The following TRAF3 variants were observed in gnomAD, a reference collection of about 807,000 sequenced individuals.
TRAF3 encodes the protein TNF receptor-associated factor 3.
In TRAF3, 13 loss-of-function variants were observed where a neutral mutation model predicts 62.3. The ratio of observed to expected loss-of-function variants is 0.21; its 90% CI spans 0.14 to 0.33. The LOEUF (loss-of-function observed/expected upper bound fraction) is 0.33, where lower values mean the gene tolerates loss of function less well. TRAF3 is among the 10% of genes least tolerant of loss of function. The pLI, the probability that TRAF3 is intolerant of heterozygous loss-of-function variation, is 1.00. For missense variants in TRAF3, 440 were observed against 741.8 expected, an observed-to-expected ratio of 0.59 and a Z score of 4.73; for synonymous variants, 269 against 283.4, an observed-to-expected ratio of 0.95 and a Z score of 0.51.
At chr14:102,881,393 AAC>A (rs1334005497) in intron 6 of TRAF3, among the ~76,000 whole-genome samples, 1 of 115,128 alleles carries the variant, frequency 8.7e-6, no homozygotes. Flanking sequence ...CAACAACAAA[AAC>A]AAAAAAAAAA....
At chr14:102,815,696 T>C (rs1480196802) in intron 1 of TRAF3, among the ~76,000 whole-genome samples, 1 of 152,214 alleles carries the variant, frequency 6.6e-6, no homozygotes, top group Non-Finnish European at 1.5e-5. Flanking sequence ...TGGGTAGTTT[T>C]TAAAGGAAAG....
chr14:102,830,541 C>T (rs922766247), intron 2 of TRAF3, 69 bp downstream of exon 2: 1 of 152,186 alleles, frequency 6.6e-6, no homozygotes, highest in Non-Finnish European at 1.5e-5. Context: ...CCTGTAATAA[C>T]AACAGGCATC....
chr14:102,879,985 G>A (rs1888954995), intron 6 of TRAF3, among the ~76,000 whole-genome samples: 1 of 152,020 alleles, frequency 6.6e-6, no homozygotes, highest in African/African-American at 2.4e-5. Context: ...GTGTGCTGAA[G>A]CATACCTGTA....
At position 102,786,284 on chromosome 14, in the gene TRAF3, C is replaced by T. The variant is rs530992427; in HGVS notation, c.-157+8609C>T. ...TCTGGAGATGGATGGTGGTGATGGTCGCACAACATTATGAATGTATTTAAT... is the reference window on the plus strand; with the variant it reads ...TCTGGAGATGGATGGTGGTGATGGTTGCACAACATTATGAATGTATTTAAT... On this transcript the variant is annotated intron_variant, in intron 1 of 11. Transcript: ENST00000392745. Among the ~76,000 whole-genome samples, 11 of 152,226 alleles carry T rather than the reference C, an allele frequency of 7.2e-5. 1 individual carries two copies. The South Asian group carries it at 1.2e-3, about 17-fold the overall frequency.
chr14:102,864,407 C>T (rs1335483912), intron 2 of TRAF3, among the ~76,000 whole-genome samples: 2 of 152,090 alleles, frequency 1.3e-5, no homozygotes, highest in East Asian at 3.9e-4. Flanking sequence ...CTCGGCCTCC[C>T]AAAGTGCTGG....
chr14:102,905,768 A>G lies in TRAF3; in HGVS notation c.1691A>G (p.Asp564Gly). The G allele has an allele frequency of 6.2e-7, 1 of 1,613,572 alleles. No individual in the cohort carries two copies. The highest frequency in any genetic ancestry group is 8.5e-7 in the Non-Finnish European group (1 of 1,179,844). ...IFIKVIVDTS[D>G]LPDP ...ATTAAAGTCATAGTGGATACTTCGG[A>G]TCTGCCCGATCCCTGATAAGTAGCT... is the stretch of plus-strand genomic sequence containing the variant. Residue 564 changes from aspartate to glycine, a missense_variant, in exon 12 of 12, where the codon GAT (aspartate) becomes GGT (glycine). Coordinates refer to ENST00000392745, the MANE Select transcript of TRAF3 (RefSeq NM_145725.3).
Position 102,911,483 on chromosome 14 carries a change from T to A in TRAF3, c.*5699T>A, listed in dbSNP as rs1890865589. ...AACTGTCTTATTAGAGGAAAATAAA[T>A]CTGATTATGGAGTCTCAGTCTCTGA... is the stretch of plus-strand genomic sequence containing the variant. On this transcript the variant is annotated 3_prime_UTR_variant, in exon 12 of 12. Coordinates refer to ENST00000392745, the MANE Select transcript of TRAF3 (RefSeq NM_145725.3). 1 of 152,252 alleles carries A rather than the reference T, an allele frequency of 6.6e-6. No individual in the cohort carries two copies. The highest frequency in any genetic ancestry group is 2.4e-5 in the African/African-American group (1 of 41,456). 9.4% of individuals were successfully genotyped at this position (152,252 alleles called of 1,614,324 possible). A position where few individuals can be genotyped will look rare whatever the true frequency, so the allele number is the denominator to read the frequency against.
intron 2 of TRAF3, among the ~76,000 whole-genome samples, chr14:102,858,026 G>A (rs1356122518): frequency 3.3e-5 from 5 of 152,126 alleles, no homozygotes; most frequent in Non-Finnish European, 5.9e-5. Flanking sequence ...GATCAGCAAC[G>A]TTTTAAGCAA....
At chr14:102,880,145 TC>T (rs1156606657) in intron 6 of TRAF3, among the ~76,000 whole-genome samples, 1 of 152,058 alleles carries the variant, frequency 6.6e-6, no homozygotes, top group African/African-American at 2.4e-5. Flanking sequence ...AACTGTGCCC[TC>T]CCCTTTGGAA....
At chr14:102,857,596 A>C (rs1477558684) in intron 2 of TRAF3, among the ~76,000 whole-genome samples, 1 of 152,200 alleles carries the variant, frequency 6.6e-6, no homozygotes, top group Non-Finnish European at 1.5e-5. Flanking sequence ...TTGAGGTCCC[A>C]AGATGGCGTG....
At chr14:102,837,755 T>C (rs1886116992) in intron 2 of TRAF3, among the ~76,000 whole-genome samples, 1 of 152,226 alleles carries the variant, frequency 6.6e-6, no homozygotes, top group African/African-American at 2.4e-5. Context: ...AATTAGATAA[T>C]CGTGCAGGGT....
At chr14:102,880,100 A>C (rs1452011290) in intron 6 of TRAF3, among the ~76,000 whole-genome samples, 1 of 152,210 alleles carries the variant, frequency 6.6e-6, no homozygotes, top group African/African-American at 2.4e-5. Flanking sequence ...TGGGTGACAG[A>C]GTGAGACCCT....
rs948809016 is a variant in TRAF3 at position 102,826,397 on chromosome 14, G to T, written c.-156-3937G>T. On this transcript the variant is annotated intron_variant, in intron 1 of 11. Transcript: ENST00000392745. The surrounding 1 kb of genome is among the most constrained non-coding windows in gnomAD (Gnocchi z 4.6). ...GATACCACCCTGACCGCCACTGCAG[G>T]GCTTCTGTGCGGGGGCAGCTGCAGA... is the stretch of plus-strand genomic sequence containing the variant. Among the ~76,000 whole-genome samples the T allele has an allele frequency of 5.9e-5, 9 of 152,196 alleles. No homozygotes were observed. Among genetic ancestry groups the T allele is most frequent in the Admixed American group, 1.3e-4 (2 of 15,282 alleles).
In TRAF3 at chr14:102,910,158, G is replaced by C. The variant is rs987433307; in HGVS notation, c.*4374G>C. On this transcript the variant is annotated 3_prime_UTR_variant, in exon 12 of 12. Coordinates refer to ENST00000392745, the MANE Select transcript of TRAF3 (RefSeq NM_145725.3). ...TTGGGCGGGTGCAGACTCCCCTTGC[G>C]GGCCCCTTGCTCAATCCCCGGCCCT... 1 of 152,210 alleles carries C rather than the reference G, an allele frequency of 6.6e-6. No individual in the cohort carries two copies. Among genetic ancestry groups the C allele is most frequent in the Non-Finnish European group, 1.5e-5 (1 of 68,046 alleles). 9.4% of individuals were successfully genotyped at this position (152,210 alleles called of 1,614,324 possible).
chr14:102,839,115 G>T (rs1886206872), intron 2 of TRAF3, among the ~76,000 whole-genome samples: 1 of 151,208 alleles, frequency 6.6e-6, no homozygotes, highest in African/African-American at 2.4e-5. Flanking sequence ...GATGAGGTAG[G>T]ATTGGGAGTT....
At chr14:102,901,994 G>A (rs1244215912) in intron 10 of TRAF3, among the ~76,000 whole-genome samples, 2 of 152,224 alleles carry the variant, frequency 1.3e-5, no homozygotes, top group Non-Finnish European at 2.9e-5. Context: ...TTTTTGAAGT[G>A]AAAACCCTTT....
At position 102,817,048 on chromosome 14, in the gene TRAF3, G is replaced by A. The variant is rs761597088; in HGVS notation, c.-156-13286G>A. Among the ~76,000 whole-genome samples the A allele has an allele frequency of 1.5e-4, 23 of 152,250 alleles. No individual in the cohort carries two copies. In the Middle Eastern group the frequency reaches 0.01, roughly 68 times the overall value. ...TGGATGGTGCCATTTCCTGAGCCAG[G>A]CATTGCCAGAGGCAGATCAGAGAGG... On this transcript the variant is annotated intron_variant, in intron 1 of 11. Transcript: ENST00000392745.
Position 102,865,497 on chromosome 14 carries a change from A to ATT in TRAF3, c.-17-4669_-17-4668dup, listed in dbSNP as rs558222101. 5.1e-3 allele frequency among the ~76,000 whole-genome samples: 681 copies of ATT among 133,684 alleles called. 8 individuals are homozygous for ATT. The highest frequency in any genetic ancestry group is 0.03 in the Admixed American group (399 of 13,188). The allele number at this position is 133,684 out of a possible 152,430, so 87.7% of individuals were successfully genotyped here. On this transcript the variant is annotated intron_variant, in intron 2 of 11. Transcript: ENST00000392745. ...CAGCATCACTCATAAGTTAATCTGAATTTTTTTTTTTTTTTTTTTTGAGAT... is the reference window on the plus strand; with the variant it reads ...CAGCATCACTCATAAGTTAATCTGAATTTTTTTTTTTTTTTTTTTTTTGAGAT...
At chr14:102,824,408 G>A (rs1388998590) in intron 1 of TRAF3, among the ~76,000 whole-genome samples, 1 of 152,338 alleles carries the variant, frequency 6.6e-6, no homozygotes, top group Admixed American at 6.5e-5. Context: ...AATAAATTTT[G>A]TGTGTATTTT....
Sources: allele counts gnomAD v4.1 joint callset (sites outside exome capture counted in the v4.1 genomes callset), GRCh38; gene constraint gnomAD v4.1.1; non-coding constraint Gnocchi (gnomAD v3.1); transcripts MANE v1.5; gene names NCBI Gene and HGNC (gene_info 2026-07-23, HGNC 2026-07-21).